The following CNTN5 variants were observed in gnomAD, a reference collection of about 807,000 sequenced individuals.
The protein encoded by CNTN5 is contactin-5.
A neutral mutation model predicts 129.1 loss-of-function variants in CNTN5; 77 were observed. The observed-to-expected ratio is 0.60, with a 90% CI of 0.50 to 0.72. The LOEUF is 0.72. Among genes scored for constraint, CNTN5 ranks in the 30% least tolerant of loss-of-function variants. The pLI is 0.00. For missense variants in CNTN5, 1,478 were observed against 1,328.8 expected (o/e 1.11, Z -1.75); for synonymous variants, 509 against 465.6 (o/e 1.09, Z -1.20).
chr11:99,030,066 G>A (rs569101822), intron 1 of CNTN5, among the ~76,000 whole-genome samples: 4 of 152,244 alleles, frequency 2.6e-5, no homozygotes, highest in East Asian at 3.9e-4. Context: ...CATATGGTGA[G>A]GTCACAAAAA....
intron 4 of CNTN5, among the ~76,000 whole-genome samples, chr11:99,821,493 G>A (rs1368227455): frequency 6.6e-6 from 1 of 152,042 alleles, no homozygotes; most frequent in African/African-American, 2.4e-5. Flanking sequence ...TTCAGTAAAA[G>A]CACAACTCTC....
At chr11:99,395,429 T>C (rs891507722) in intron 2 of CNTN5, among the ~76,000 whole-genome samples, 2 of 151,988 alleles carry the variant, frequency 1.3e-5, no homozygotes, top group Non-Finnish European at 2.9e-5. Context: ...TCCTTATAGA[T>C]GCTGGACGCT....
chr11:99,823,916 T>C (rs1946875458), intron 4 of CNTN5, among the ~76,000 whole-genome samples: 1 of 152,084 alleles, frequency 6.6e-6, no homozygotes, highest in Admixed American at 6.5e-5. Context: ...GTGTCAATGA[T>C]ACTGTGTATA....
chr11:99,955,715 G>A (rs1457422815), intron 7 of CNTN5, among the ~76,000 whole-genome samples: 2 of 151,682 alleles, frequency 1.3e-5, no homozygotes, highest in Non-Finnish European at 2.9e-5. Context: ...CCCACCACCA[G>A]GCCCGGCTAA....
At position 100,289,094 on chromosome 11, in the gene CNTN5, A is replaced by C. The variant is rs574526390; in HGVS notation, c.2315-8531A>C. On this transcript the variant is annotated intron_variant, in intron 18 of 24. Transcript: ENST00000524871. Reference sequence around the variant, plus strand: ...AATCTCTGAACAGACCAATAACAGGATCTGAAATTGTGGCAATAATCAATA... The same window carrying C: ...AATCTCTGAACAGACCAATAACAGGCTCTGAAATTGTGGCAATAATCAATA... Among the ~76,000 whole-genome samples the C allele has an allele frequency of 5.3e-3, 814 of 152,162 alleles. 11 individuals carry two copies. The highest frequency in any genetic ancestry group is 0.018 in the African/African-American group (760 of 41,520).
At chr11:99,119,044 C>A (rs189548667) in intron 1 of CNTN5, among the ~76,000 whole-genome samples, 148 of 152,098 alleles carry the variant, frequency 9.7e-4, no homozygotes, top group Admixed American at 4.1e-3. Context: ...CCTATGAAGG[C>A]CTCACAATGA....
intron 1 of CNTN5, among the ~76,000 whole-genome samples, chr11:99,023,124 G>A (rs1031775597): frequency 6.6e-6 from 1 of 152,188 alleles, no homozygotes; most frequent in Non-Finnish European, 1.5e-5. Context: ...TTCTCAAGGT[G>A]AGCAGTTAGT....
chr11:100,285,001 C>A (rs1179996794), intron 18 of CNTN5, among the ~76,000 whole-genome samples: 1 of 152,180 alleles, frequency 6.6e-6, no homozygotes, highest in African/African-American at 2.4e-5. Context: ...ATTTCTCACT[C>A]ATAAAATGGG....
chr11:99,226,271 C>T (rs1488097272), intron 1 of CNTN5, among the ~76,000 whole-genome samples: 5 of 152,156 alleles, frequency 3.3e-5, no homozygotes, highest in African/African-American at 7.2e-5. Context: ...GAGACACTAA[C>T]GTGAGGGTCT....
At chr11:100,147,638 T>G (rs1398550382) in intron 13 of CNTN5, among the ~76,000 whole-genome samples, 1 of 151,202 alleles carries the variant, frequency 6.6e-6, no homozygotes, top group Non-Finnish European at 1.5e-5. Flanking sequence ...ATGCGTGTAT[T>G]TGTGTGTGTG....
chr11:99,459,798 A>C (rs1212889981), intron 2 of CNTN5, among the ~76,000 whole-genome samples: 2 of 152,038 alleles, frequency 1.3e-5, no homozygotes, highest in Non-Finnish European at 2.9e-5. Flanking sequence ...AGAAATATTA[A>C]TACTAGTTGT....
intron 1 of CNTN5, among the ~76,000 whole-genome samples, chr11:99,040,287 T>A (rs545282311): frequency 6.6e-6 from 1 of 152,266 alleles, no homozygotes; most frequent in East Asian, 1.9e-4. Flanking sequence ...GTGTGTGTTT[T>A]AAAGACAAAT....
intron 2 of CNTN5, among the ~76,000 whole-genome samples, chr11:99,509,788 A>G (rs76010349): frequency 0.066 from 9,984 of 152,086 alleles, 358 homozygotes; most frequent in African/African-American, 0.097. Flanking sequence ...TCCTTAATAC[A>G]TCTATTTATT....
At chr11:99,677,212 C>T (rs959433890) in intron 3 of CNTN5, among the ~76,000 whole-genome samples, 28 of 152,130 alleles carry the variant, frequency 1.8e-4, no homozygotes, top group African/African-American at 6.5e-4. Flanking sequence ...TATTGGCCGT[C>T]GCTCAGACAG....
chr11:100,203,011 T>C (rs941814113), intron 15 of CNTN5, among the ~76,000 whole-genome samples: 30 of 152,052 alleles, frequency 2.0e-4, no homozygotes, highest in Non-Finnish European at 3.2e-4. Context: ...AAAAAGATGG[T>C]GTTATTCTCT....
At chr11:99,198,724 A>G (rs998438705) in intron 1 of CNTN5, among the ~76,000 whole-genome samples, 1 of 152,180 alleles carries the variant, frequency 6.6e-6, no homozygotes, top group South Asian at 2.1e-4. Context: ...CACTTTTGTA[A>G]CTAATTTTAC....
intron 4 of CNTN5, among the ~76,000 whole-genome samples, chr11:99,840,747 A>T (rs1947461311): frequency 6.6e-6 from 1 of 152,154 alleles, no homozygotes; most frequent in African/African-American, 2.4e-5. Flanking sequence ...GAGTTTAATT[A>T]ATTGGCTATC....
intron 9 of CNTN5, among the ~76,000 whole-genome samples, chr11:100,042,857 A>C (rs1942457789): frequency 6.6e-6 from 1 of 151,810 alleles, no homozygotes. Flanking sequence ...GCTTTAAAAA[A>C]CCTCCTATAT....
At chr11:99,809,558 A>G (rs1946370187) in intron 3 of CNTN5, among the ~76,000 whole-genome samples, 2 of 152,152 alleles carry the variant, frequency 1.3e-5, no homozygotes, top group African/African-American at 4.8e-5. Context: ...ATAATTAGCC[A>G]TCTTGAATTC....
Sources: gnomAD v4.1 joint callset for allele counts (sites outside exome capture counted in the v4.1 genomes callset) on GRCh38, gnomAD v4.1.1 for gene constraint, MANE v1.5 for transcripts, NCBI Gene and HGNC (gene_info 2026-07-23, HGNC 2026-07-21) for gene names.